HSP90AA1: variants seen among roughly 807,000 people sequenced by gnomAD.
HSP90AA1 encodes the protein heat shock protein HSP 90-alpha.
A neutral mutation model predicts 73.3 loss-of-function variants in HSP90AA1; 18 were observed. That is an observed-to-expected ratio of 0.25 (90% CI 0.17 to 0.36). The LOEUF is 0.36. HSP90AA1 is among the 10% of genes least tolerant of loss of function. The pLI is 1.00. For synonymous variants in HSP90AA1, 477 were observed against 296.9 expected, an observed-to-expected ratio of 1.61 and a Z score of -6.24; for missense variants, 704 against 874.2, an observed-to-expected ratio of 0.81 and a Z score of 2.45.
At chr14:102,135,267 G>A (rs998179045) in intron 1 of HSP90AA1, among the ~76,000 whole-genome samples, 2 of 151,168 alleles carry the variant, frequency 1.3e-5, no homozygotes, top group African/African-American at 2.5e-5. Context: ...GGTGCTGATT[G>A]GTGTGTTTAC....
chr14:102,090,495 G>A (rs2049341020), upstream of HSP90AA1, among the ~76,000 whole-genome samples: 1 of 151,260 alleles, frequency 6.6e-6, no homozygotes, highest in East Asian at 1.9e-4. Context: ...TGTCGCCCAG[G>A]CTGGAGTGCA....
At chr14:102,124,102 T>C (rs2049812274) in intron 1 of HSP90AA1, among the ~76,000 whole-genome samples, 1 of 152,114 alleles carries the variant, frequency 6.6e-6, no homozygotes, top group African/African-American at 2.4e-5. Flanking sequence ...TATTTTGTTA[T>C]TGTGAATGTG....
rs748355025 is a variant in HSP90AA1 at position 102,083,168 on chromosome 14, A to C, written c.1621T>G (p.Leu541Val). The C allele has an allele frequency of 6.2e-7, 1 of 1,613,804 alleles. No individual in the cohort carries two copies. The highest frequency in any genetic ancestry group is 1.3e-5 in the African/African-American group (1 of 74,884). Residue 541 changes from leucine (L) to valine (V), a missense_variant, in exon 9 of 11, where the codon TTA becomes GTA. Physicochemically the swap from Leu to Val is conservative, Grantham distance 32. Transcript: ENST00000216281. ...QQLKEFEGKT[L>V]VSVTKEGLEL... The stretch of plus-strand genomic sequence containing the variant: ...AGGCCTTCTTTGGTGACTGACACTA[A>C]AGTCTTCCCCTCAAATTCCTTCAGC...
Position 102,083,866 on chromosome 14 carries a change from T to C in HSP90AA1, c.1265A>G (p.Glu422Gly), listed in dbSNP as rs1402109143. The C allele has an allele frequency of 6.2e-7, 1 of 1,613,986 alleles. No homozygotes were observed. The highest frequency in any genetic ancestry group is 1.7e-5 in the Admixed American group (1 of 60,004). ...ATCTTCCGCCAGTTCAGTAAAGAGT[T>C]CTAAGCATTTTTTGACCAAATTCTT... ...IRKNLVKKCL[E>G]LFTELAEDKE... The change falls in exon 7 of 11, where the codon GAA becomes GGA. Residue 422 changes from glutamate to glycine, a missense_variant. Coordinates refer to ENST00000216281, the MANE Select transcript of HSP90AA1 (RefSeq NM_005348.4).
chr14:102,084,287 C>G, intron 6 of HSP90AA1, 112 bp downstream of exon 6: 1 of 977,066 alleles, frequency 1.0e-6, no homozygotes, highest in East Asian at 2.4e-5. Flanking sequence ...CTCAAGTGAT[C>G]TGCCCACCCC....
rs371330992 is a variant in HSP90AA1, at chr14:102,098,084, T to C, written c.366+3791A>G. Among the ~76,000 whole-genome samples the C allele has an allele frequency of 1.4e-3, 208 of 151,990 alleles. 1 individual carries two copies. Among genetic ancestry groups the C allele is most frequent in the African/African-American group, 4.8e-3 (198 of 41,480 alleles). ...CCCTGCCACCTCCAGGGAGAGGGAGTGTTGGCTTCTTTATTCCTCCTTGAC... is the reference window on the plus strand; with the variant it reads ...CCCTGCCACCTCCAGGGAGAGGGAGCGTTGGCTTCTTTATTCCTCCTTGAC... On this transcript the variant is annotated intron_variant, in intron 2 of 11. Coordinates refer to the HSP90AA1 transcript ENST00000334701.
chr14:102,098,811 G>C (rs910675195), intron 2 of HSP90AA1, among the ~76,000 whole-genome samples: 1 of 151,582 alleles, frequency 6.6e-6, no homozygotes, highest in Non-Finnish European at 1.5e-5. Context: ...TACAGTCCTT[G>C]AGCCGCTGCA....
At chr14:102,126,818 G>A (rs1356985566) in intron 1 of HSP90AA1, among the ~76,000 whole-genome samples, 1 of 152,190 alleles carries the variant, frequency 6.6e-6, no homozygotes. Context: ...GTGAGCCACT[G>A]CGCCCGGCCG....
At chr14:102,087,341 G>C (rs980370782), upstream of HSP90AA1, 1 of 244,090 alleles carries the variant, frequency 4.1e-6, no homozygotes, top group African/African-American at 2.3e-5. Flanking sequence ...GGAAGGTCCG[G>C]GCGCCTTCTG....
chr14:102,108,482 G>A (rs2049598237), intron 1 of HSP90AA1, among the ~76,000 whole-genome samples: 1 of 147,242 alleles, frequency 6.8e-6, no homozygotes, highest in Non-Finnish European at 1.5e-5. Flanking sequence ...TTAACAAATA[G>A]TAAAACTTTT....
intron 1 of HSP90AA1, among the ~76,000 whole-genome samples, chr14:102,123,425 A>ACCCTGTC (rs2049803036): frequency 6.6e-6 from 1 of 151,604 alleles, no homozygotes; most frequent in Non-Finnish European, 1.5e-5. Context: ...AAAACAAAAA[A>ACCCTGTC]CCCTGTCATT....
rs1328089682 is a variant in HSP90AA1, at chr14:102,086,335, T to C, written c.44A>G (p.Glu15Gly). The C allele has an allele frequency of 6.2e-7, 1 of 1,614,126 alleles. No individual in the cohort carries two copies. ...TQTQDQPMEE[E>G]EVETFAFQAE... ...CTGAAAGGCGAACGTCTCAACCTCC[T>C]CCTCCTCCATCGGTTGGTCTTGGGT... is the stretch of plus-strand genomic sequence containing the variant. Residue 15 changes from glutamate (E) to glycine (G), a missense_variant, in exon 2 of 11, where the codon GAG becomes GGG. Transcript: ENST00000216281.
At chr14:102,118,854 CTTTTT>C (rs11298881) in intron 1 of HSP90AA1, among the ~76,000 whole-genome samples, 1 of 107,148 alleles carries the variant, frequency 9.3e-6, no homozygotes, top group Non-Finnish European at 2.0e-5. Context: ...CTTTTCCTTC[CTTTTT>C]TTTTTTTTTT....
At chr14:102,138,559 TTAC>T (rs1371106582) in intron 1 of HSP90AA1, among the ~76,000 whole-genome samples, 5 of 152,226 alleles carry the variant, frequency 3.3e-5, no homozygotes, top group African/African-American at 9.7e-5. Context: ...ATCAAATGTA[TTAC>T]TACATCATTG....
chr14:102,087,504 C>A (rs17523505), upstream of HSP90AA1, among the ~76,000 whole-genome samples: 3,039 of 152,042 alleles, frequency 0.02, 86 homozygotes, highest in African/African-American at 0.057. Flanking sequence ...GAGGGAGGGT[C>A]GTGCGTGGAC....
At chr14:102,100,395 G>A (rs2049477206) in intron 2 of HSP90AA1, among the ~76,000 whole-genome samples, 1 of 148,500 alleles carries the variant, frequency 6.7e-6, no homozygotes, top group African/African-American at 2.5e-5. Context: ...GTGAGACCCT[G>A]TCTCAAAAAA....
upstream of HSP90AA1, among the ~76,000 whole-genome samples, chr14:102,087,569 C>A (rs111482627): frequency 6.6e-6 from 1 of 152,132 alleles, no homozygotes; most frequent in East Asian, 1.9e-4. Context: ...GTCGTCCTGA[C>A]TGGCGCCGCG....
rs561465431 is a variant in HSP90AA1, at chr14:102,085,104, G to A, written c.664-106C>T. 1.2e-5 allele frequency: 19 copies of A among 1,572,606 alleles called. No homozygotes were observed. In the Admixed American group the frequency reaches 2.2e-4, roughly 18 times the overall value. ...GGCCCAAGTCTAAATTAGCCAACTT[G>A]AGAAGCACCCAGCTTTTCATCAATA... On this transcript the variant is annotated intron_variant, in intron 4 of 10. Transcript: ENST00000216281.
intron 2 of HSP90AA1, among the ~76,000 whole-genome samples, chr14:102,096,785 G>T (rs186207282): frequency 1.3e-5 from 2 of 152,192 alleles, no homozygotes; most frequent in Admixed American, 1.3e-4. Flanking sequence ...CTAATTGGTT[G>T]TATATGGGGC....
Sources: gnomAD v4.1 joint callset for allele counts (sites outside exome capture counted in the v4.1 genomes callset) on GRCh38, gnomAD v4.1.1 for gene constraint, MANE v1.5 for transcripts, NCBI Gene and HGNC (gene_info 2026-07-23, HGNC 2026-07-21) for gene names.